KCNQ1OT1: variants seen among roughly 807,000 people sequenced by gnomAD.
KCNQ1OT1 encodes KCNQ1 antisense RNA 2 (non-protein coding).
At chr11:2,689,237 G>GACA (rs1850548118) in exon 1 of KCNQ1OT1, 2 of 398,740 alleles carry the variant, frequency 5.0e-6, no homozygotes, top group East Asian at 7.1e-5. Flanking sequence ...GCCAAGCTTT[G>GACA]AAGTCAGCCC....
chr11:2,609,470 G>C (rs1023405563), exon 1 of KCNQ1OT1: 4 of 398,236 alleles, frequency 1.0e-5, no homozygotes, highest in South Asian at 2.5e-4. Context: ...TGTCTCATGT[G>C]CACTTGAAAA....
At position 2,617,853 on chromosome 11, in the gene KCNQ1OT1, G is replaced by C; in HGVS notation, n.82142C>G. 1 of 398,448 alleles carries C rather than the reference G, an allele frequency of 2.5e-6. No homozygotes were observed. The highest frequency in any genetic ancestry group is 4.4e-6 in the Non-Finnish European group (1 of 225,994). The allele number at this position is 398,448 out of a possible 1,614,324, so 24.7% of individuals were successfully genotyped here. A position where few individuals can be genotyped will look rare whatever the true frequency, so the allele number is the denominator to read the frequency against. ...ACTTCTTTGCAAAAATGTCTACTCA[G>C]TTCCACTGCCCATTTTTTAATTGGG... is the stretch of plus-strand genomic sequence containing the variant. On this transcript the variant is annotated non_coding_transcript_exon_variant, in exon 1 of 1. Transcript: ENST00000597346. This position sits in a 1 kb window ranked among gnomAD's most constrained non-coding sequence, Gnocchi z 4.6.
rs568339696 is a variant in KCNQ1OT1 at position 2,623,231 on chromosome 11, G to C, written n.76764C>G. The C allele has an allele frequency of 3.5e-5, 14 of 398,634 alleles. No homozygotes were observed. Among genetic ancestry groups the C allele is most frequent in the Non-Finnish European group, 5.3e-5 (12 of 226,198 alleles). 24.7% of individuals were successfully genotyped at this position (398,634 alleles called of 1,614,324 possible). On this transcript the variant is annotated non_coding_transcript_exon_variant, in exon 1 of 1. Transcript: ENST00000597346. This position sits in a 1 kb window ranked among gnomAD's most constrained non-coding sequence, Gnocchi z 5.2. ...CTGAGGCCTGCCAGCCATGCTTACT[G>C]TACAGCCTACAAAACTGTGAGTCAA...
Position 2,617,770 on chromosome 11 carries a change from T to G in KCNQ1OT1, n.82225A>C. ...ATCGCATAGTAATTTTGATTTGCAT[T>G]TCCCTGACGATTAGTGATGTTAAAT... On this transcript the variant is annotated non_coding_transcript_exon_variant, in exon 1 of 1. Transcript: ENST00000597346. The surrounding 1 kb of genome is among the most constrained non-coding windows in gnomAD (Gnocchi z 4.6). The G allele has an allele frequency of 2.5e-6, 1 of 398,594 alleles. No homozygotes were observed. Among genetic ancestry groups the G allele is most frequent in the African/African-American group, 2.1e-5 (1 of 48,758 alleles). The allele number at this position is 398,594 out of a possible 1,614,324, so 24.7% of individuals were successfully genotyped here. A position where few individuals can be genotyped will look rare whatever the true frequency, so the allele number is the denominator to read the frequency against.
rs1362777296 is a variant in KCNQ1OT1, at chr11:2,663,598, G to C, written n.36397C>G. 2.5e-6 allele frequency: 1 copy of C among 398,642 alleles called. No individual in the cohort carries two copies. Among genetic ancestry groups the C allele is most frequent in the East Asian group, 3.6e-5 (1 of 28,068 alleles). 24.7% of individuals were successfully genotyped at this position (398,642 alleles called of 1,614,324 possible). A position where few individuals can be genotyped will look rare whatever the true frequency, so the allele number is the denominator to read the frequency against. ...TCCTGTTGGAGCTCTCGCTCACCTT[G>C]GTTCTCTTGGTCACGGACCAGCATC... On this transcript the variant is annotated non_coding_transcript_exon_variant, in exon 1 of 1. Transcript: ENST00000597346. This position sits in a 1 kb window ranked among gnomAD's most constrained non-coding sequence, Gnocchi z 5.2.
Position 2,664,623 on chromosome 11 carries a change from C to A in KCNQ1OT1, n.35372G>T, listed in dbSNP as rs1165126190. ...TCCTGCACAGCCCGCCCAGTGATGC[C>A]CATAATTAAATTCGGCTCCAGCTGC... On this transcript the variant is annotated non_coding_transcript_exon_variant, in exon 1 of 1. Transcript: ENST00000597346. The surrounding 1 kb of genome is among the most constrained non-coding windows in gnomAD (Gnocchi z 5.1). 7.5e-6 allele frequency: 3 copies of A among 398,530 alleles called. No individual in the cohort carries two copies. The highest frequency in any genetic ancestry group is 4.4e-5 in the Admixed American group (1 of 22,712). 24.7% of individuals were successfully genotyped at this position (398,530 alleles called of 1,614,324 possible).
exon 1 of KCNQ1OT1, chr11:2,648,865 T>C (rs986212070): frequency 4.0e-5 from 16 of 398,354 alleles, no homozygotes; most frequent in Non-Finnish European, 5.8e-5. Flanking sequence ...ATAATATTTG[T>C]TTAATATACC....
Position 2,647,066 on chromosome 11 carries a change from T to C in KCNQ1OT1, n.52929A>G, listed in dbSNP as rs920991413. Reference sequence around the variant, plus strand: ...AGTGGGCATCCTTGTCTTGTTCTAGTTCTAAGAGAGAAGGTGTTTAGCTTT... The same window carrying C: ...AGTGGGCATCCTTGTCTTGTTCTAGCTCTAAGAGAGAAGGTGTTTAGCTTT... On this transcript the variant is annotated non_coding_transcript_exon_variant, in exon 1 of 1. Coordinates refer to ENST00000597346, the Ensembl canonical transcript of KCNQ1OT1. The surrounding 1 kb of genome is among the most constrained non-coding windows in gnomAD (Gnocchi z 4.0). 2 of 398,602 alleles carry C rather than the reference T, an allele frequency of 5.0e-6. No homozygotes were observed. Among genetic ancestry groups the C allele is most frequent in the South Asian group, 1.3e-4 (1 of 7,860 alleles). The allele number at this position is 398,602 out of a possible 1,614,324, so 24.7% of individuals were successfully genotyped here.
At chr11:2,692,162 T>C (rs956277781) in exon 1 of KCNQ1OT1, 1 of 398,570 alleles carries the variant, frequency 2.5e-6, no homozygotes, top group African/African-American at 2.1e-5. Flanking sequence ...GTGTCACCCA[T>C]CCTTTCAGTG....
chr11:2,689,067 C>T (rs550035930), exon 1 of KCNQ1OT1: 9 of 398,788 alleles, frequency 2.3e-5, no homozygotes, highest in South Asian at 1.3e-4. Flanking sequence ...TCCTCCTCCC[C>T]GGTGGCACAT....
chr11:2,694,659 T>C (rs1324955994), exon 1 of KCNQ1OT1: 3 of 398,532 alleles, frequency 7.5e-6, no homozygotes, highest in East Asian at 3.6e-5. Flanking sequence ...ACACCCACCA[T>C]GTGCGGACCC....
At position 2,695,698 on chromosome 11, in the gene KCNQ1OT1, G is replaced by C; in HGVS notation, n.4297C>G. ...TGTTGGCCAGCTCTTCAGAACGTCT[G>C]TGCCTGTCTCCGTCCCCACCTGCAG... is the stretch of plus-strand genomic sequence containing the variant. On this transcript the variant is annotated non_coding_transcript_exon_variant, in exon 1 of 1. Transcript: ENST00000597346. This position sits in a 1 kb window ranked among gnomAD's most constrained non-coding sequence, Gnocchi z 5.2. 3 of 398,656 alleles carry C rather than the reference G, an allele frequency of 7.5e-6. No individual in the cohort carries two copies. Among genetic ancestry groups the C allele is most frequent in the Non-Finnish European group, 1.3e-5 (3 of 226,090 alleles). 24.7% of individuals were successfully genotyped at this position (398,656 alleles called of 1,614,324 possible). A position where few individuals can be genotyped will look rare whatever the true frequency, so the allele number is the denominator to read the frequency against.
chr11:2,631,294 C>T (rs1849348888), exon 1 of KCNQ1OT1: 3 of 398,322 alleles, frequency 7.5e-6, no homozygotes, highest in Admixed American at 4.4e-5. Context: ...TATTTTTCTC[C>T]TCTACTGGTT....
At position 2,669,530 on chromosome 11, in the gene KCNQ1OT1, A is replaced by T; in HGVS notation, n.30465T>A. The T allele has an allele frequency of 2.5e-6, 1 of 398,640 alleles. No individual in the cohort carries two copies. Among genetic ancestry groups the T allele is most frequent in the Non-Finnish European group, 4.4e-6 (1 of 226,072 alleles). The allele number at this position is 398,640 out of a possible 1,614,324, so 24.7% of individuals were successfully genotyped here. On this transcript the variant is annotated non_coding_transcript_exon_variant, in exon 1 of 1. Coordinates refer to ENST00000597346, the Ensembl canonical transcript of KCNQ1OT1. This position sits in a 1 kb window ranked among gnomAD's most constrained non-coding sequence, Gnocchi z 5.6. Reference sequence around the variant, plus strand: ...CTAATGGTTTGATGTATGTTCGCTGAATCCAGGGACAAGGTCTGTCAGGGA... The same window carrying T: ...CTAATGGTTTGATGTATGTTCGCTGTATCCAGGGACAAGGTCTGTCAGGGA...
exon 1 of KCNQ1OT1, chr11:2,636,303 A>C (rs1849463792): frequency 6.6e-6 from 1 of 152,102 alleles, no homozygotes; most frequent in South Asian, 2.1e-4. Context: ...CTCATTCAGT[A>C]TGATATTGGC....
exon 1 of KCNQ1OT1, chr11:2,637,465 T>C (rs1183300047): frequency 1.3e-5 from 2 of 152,260 alleles, no homozygotes; most frequent in Non-Finnish European, 2.9e-5. Context: ...CAGGAGCAGG[T>C]GGTTCAGTTT....
chr11:2,691,547 T>A lies in KCNQ1OT1; in HGVS notation n.8448A>T, dbSNP rs1023660860. On this transcript the variant is annotated non_coding_transcript_exon_variant, in exon 1 of 1. Coordinates refer to ENST00000597346, the Ensembl canonical transcript of KCNQ1OT1. The surrounding 1 kb of genome is among the most constrained non-coding windows in gnomAD (Gnocchi z 6.4). ...CATTAAAGTTGGGGGGATTTCTCTA[T>A]CCTGAGGTTATGAAATACCTCAGCA... 2.5e-6 allele frequency: 1 copy of A among 398,476 alleles called. No individual in the cohort carries two copies. Among genetic ancestry groups the A allele is most frequent in the Non-Finnish European group, 4.4e-6 (1 of 226,068 alleles). The allele number at this position is 398,476 out of a possible 1,614,324, so 24.7% of individuals were successfully genotyped here.
At chr11:2,667,716 C>T (rs1224007354) in exon 1 of KCNQ1OT1, 6 of 398,584 alleles carry the variant, frequency 1.5e-5, no homozygotes, top group African/African-American at 2.1e-5. Context: ...GTCTGGAAGC[C>T]GTGTCCCCTT....
chr11:2,680,206 TAAAAAAA>T (rs139249507), exon 1 of KCNQ1OT1: 2 of 361,560 alleles, frequency 5.5e-6, no homozygotes, highest in Non-Finnish European at 9.5e-6. Context: ...CTTGCCTAAT[TAAAAAAA>T]AAAAAAAAAA....
Sources: gnomAD v4.1 joint callset for allele counts on GRCh38, gnomAD v4.1.1 for gene constraint, Gnocchi (gnomAD v3.1) non-coding constraint, MANE v1.5 for transcripts, NCBI Gene and HGNC (gene_info 2026-07-23, HGNC 2026-07-21) for gene names.